Variants in CELSR1 observed in about 807,000 individuals in gnomAD.
The protein encoded by CELSR1 is cadherin EGF LAG seven-pass G-type receptor 1, also known as adhesion G protein-coupled receptor C1.
A neutral mutation model predicts 249.1 loss-of-function variants in CELSR1; 110 were observed. That is an observed-to-expected ratio of 0.44 (90% CI 0.38 to 0.52). The LOEUF is 0.52. Ranked by LOEUF, CELSR1 falls within the 20% of genes least tolerant of loss-of-function variation. The probability of loss-of-function intolerance (pLI) is 0.00; values close to 1 mark genes in which losing one functional copy is unlikely to be tolerated. For missense variants in CELSR1, 4,109 were observed against 4,296.4 expected (o/e 0.96, Z 1.22); for synonymous variants, 2,113 against 1,900.0 (o/e 1.11, Z -2.92).
chr22:46,523,147 A>C (rs988887532), intron 1 of CELSR1, among the ~76,000 whole-genome samples: 1 of 152,272 alleles, frequency 6.6e-6, no homozygotes, highest in African/African-American at 2.4e-5. Context: ...TACTTTAACC[A>C]AGTGTCATTT....
rs778702178 is a variant in CELSR1, at chr22:46,394,270, G to A, written c.5844-8C>T. Reference sequence around the variant, plus strand: ...GGGCACGGAAGGTCGAGTCTGTGGGGAAAATAAGAGGGCAGCTGGAAGGTT... The same window carrying A: ...GGGCACGGAAGGTCGAGTCTGTGGGAAAAATAAGAGGGCAGCTGGAAGGTT... On this transcript the variant is annotated splice_region_variant and splice_polypyrimidine_tract_variant and intron_variant, in intron 13 of 34. Transcript: ENST00000674500. The A allele has an allele frequency of 6.2e-6, 10 of 1,611,026 alleles. No individual in the cohort carries two copies. The Admixed American group carries it at 1.2e-4, about 19-fold the overall frequency.
chr22:46,403,421 G>C (rs191890864), intron 9 of CELSR1, among the ~76,000 whole-genome samples: 1,767 of 151,338 alleles, frequency 0.012, 38 homozygotes, highest in Middle Eastern at 0.041. Flanking sequence ...GCCAGGCGTG[G>C]TAGTGGGCGC....
chr22:46,429,506 G>A lies in CELSR1; in HGVS notation c.4611+3887C>T. Among the ~76,000 whole-genome samples, 1 of 152,264 alleles carries A rather than the reference G, an allele frequency of 6.6e-6. No individual in the cohort carries two copies. Among genetic ancestry groups the A allele is most frequent in the East Asian group, 1.9e-4 (1 of 5,194 alleles). ...ATGTACAAGTGCCTGCCTTTGAAAA[G>A]ACCGTCCTGGAAAAACGTCCGACTC... On this transcript the variant is annotated intron_variant, in intron 5 of 34. Coordinates refer to ENST00000674500, the MANE Select transcript of CELSR1 (RefSeq NM_001378328.1). The surrounding 1 kb of genome is among the most constrained non-coding windows in gnomAD (Gnocchi z 4.1).
Position 46,490,775 on chromosome 22 carries a change from C to T in CELSR1, c.3545-26430G>A, listed in dbSNP as rs932540607. On this transcript the variant is annotated intron_variant, in intron 1 of 34. Coordinates refer to ENST00000674500, the MANE Select transcript of CELSR1 (RefSeq NM_001378328.1). This position sits in a 1 kb window ranked among gnomAD's most constrained non-coding sequence, Gnocchi z 5.2. ...GTGCAGAGTGAGTTTCTGGTTTTGC[C>T]GCTCTTGTGAACAACCACCCACCAT... Among the ~76,000 whole-genome samples, 2 of 152,214 alleles carry T rather than the reference C, an allele frequency of 1.3e-5. No homozygotes were observed. Among genetic ancestry groups the T allele is most frequent in the East Asian group, 1.9e-4 (1 of 5,166 alleles).
chr22:46,498,302 A>C (rs2080434427), intron 1 of CELSR1, among the ~76,000 whole-genome samples: 1 of 132,358 alleles, frequency 7.6e-6, no homozygotes. Flanking sequence ...AAAAAAAAAA[A>C]AAAAAAAAAA....
chr22:46,505,609 C>A (rs1029274706), intron 1 of CELSR1, among the ~76,000 whole-genome samples: 2 of 151,974 alleles, frequency 1.3e-5, no homozygotes, highest in African/African-American at 4.8e-5. Flanking sequence ...CTACTGCACT[C>A]CAGCTTGGGT....
intron 2 of CELSR1, among the ~76,000 whole-genome samples, chr22:46,450,187 G>A (rs2079867525): frequency 6.6e-6 from 1 of 152,220 alleles, no homozygotes; most frequent in Admixed American, 6.5e-5. Flanking sequence ...CTCTTCCCGG[G>A]GACTTCAGAA....
intron 1 of CELSR1, among the ~76,000 whole-genome samples, chr22:46,511,540 C>A (rs117757126): frequency 0.025 from 3,871 of 152,362 alleles, 63 homozygotes; most frequent in Non-Finnish European, 0.037. Context: ...ATTCCTTCAA[C>A]AAACACTGAC....
intron 1 of CELSR1, among the ~76,000 whole-genome samples, chr22:46,479,227 CAAA>C (rs2080241870): frequency 6.6e-6 from 1 of 151,954 alleles, no homozygotes; most frequent in South Asian, 2.1e-4. Flanking sequence ...TCTCTCCCTC[CAAA>C]ATGACCTGCT....
intron 1 of CELSR1, among the ~76,000 whole-genome samples, chr22:46,492,094 C>T (rs969093881): frequency 2.6e-5 from 4 of 152,224 alleles, no homozygotes; most frequent in African/African-American, 9.7e-5. Context: ...ACGGTCAGGG[C>T]GCTGCGACCT....
At chr22:46,458,540 G>A (rs2079983226) in intron 2 of CELSR1, among the ~76,000 whole-genome samples, 1 of 152,218 alleles carries the variant, frequency 6.6e-6, no homozygotes, top group Admixed American at 6.5e-5. Flanking sequence ...GGCATCCACT[G>A]TGAGCCCGTG....
chr22:46,419,790 C>T lies in CELSR1; in HGVS notation c.4612-8031G>A, dbSNP rs371066811. ...CACACTCACCACTCACACTCAAATGCGCCCTCACCCATGCACATGCACTCA... is the reference window on the plus strand; with the variant it reads ...CACACTCACCACTCACACTCAAATGTGCCCTCACCCATGCACATGCACTCA... On this transcript the variant is annotated intron_variant, in intron 5 of 34. Coordinates refer to ENST00000674500, the MANE Select transcript of CELSR1 (RefSeq NM_001378328.1). Among the ~76,000 whole-genome samples the T allele has an allele frequency of 2.2e-4, 32 of 147,306 alleles. No homozygotes were observed. In the East Asian group the frequency reaches 4.3e-3, roughly 20 times the overall value.
rs929430205 is a variant in CELSR1 at position 46,536,638 on chromosome 22, G to A, written c.533C>T (p.Ser178Leu). 247 of 1,167,390 alleles carry A rather than the reference G, an allele frequency of 2.1e-4. No individual in the cohort carries two copies. Among genetic ancestry groups the A allele is most frequent in the Non-Finnish European group, 2.5e-4 (234 of 948,510 alleles). 72.3% of individuals were successfully genotyped at this position (1,167,390 alleles called of 1,614,324 possible). The change falls in exon 1 of 35, where the codon TCG (serine) becomes TTG (leucine). Residue 178 changes from serine to leucine, a missense_variant. Ser to Leu is a moderately radical substitution (Grantham distance 145). Around this residue, in one of 7 missense-constraint regions of CELSR1, gnomAD observed 673 missense variants for 636.8 expected, o/e 1.06. Transcript: ENST00000674500. ...GRPICLPPGG[S>L]VRLRLLCALR... ...GGCGCACAGCAGACGCAGGCGGACC[G>A]AGCCGCCCGGCGGCAGGCAGATGGG...
intron 33 of CELSR1, 72 bp from the exon 34 acceptor site, chr22:46,364,323 C>A (rs1040698189): frequency 1.0e-5 from 16 of 1,568,848 alleles, no homozygotes; most frequent in Non-Finnish European, 1.4e-5. Context: ...CCGTGTGCAG[C>A]TGAGCCAGCC....
At position 46,535,139 on chromosome 22, in the gene CELSR1, G is replaced by A. The variant is rs1286253960; in HGVS notation, c.2032C>T (p.Leu678=). 1.2e-6 allele frequency: 2 copies of A among 1,610,566 alleles called. No homozygotes were observed. The highest frequency in any genetic ancestry group is 1.7e-6 in the Non-Finnish European group (2 of 1,179,672). Residue 678 remains leucine (L), a synonymous_variant, in exon 1 of 35, where the codon CTG becomes TTG. Coordinates refer to ENST00000674500, the MANE Select transcript of CELSR1 (RefSeq NM_001378328.1). ...SSSTSVSITV[L]DVNDNDPVFT... The stretch of plus-strand genomic sequence containing the variant: ...ACCGGGTCGTTGTCATTCACGTCCA[G>A]CACCGTGATGGACACGCTGGTGGAG...
In CELSR1 at chr22:46,411,596, G is replaced by A. The variant is rs771447370; in HGVS notation, c.4769+6C>T. ...CCCCCAGGGCCTCCCCTCCTGGGATGCTCACTTCTTGGAGCCGGTCTGAGT... is the reference window on the plus strand; with the variant it reads ...CCCCCAGGGCCTCCCCTCCTGGGATACTCACTTCTTGGAGCCGGTCTGAGT... On this transcript the variant is annotated splice_donor_region_variant and intron_variant, in intron 6 of 34. Transcript: ENST00000674500. The surrounding 1 kb of genome is among the most constrained non-coding windows in gnomAD (Gnocchi z 4.2). The A allele has an allele frequency of 1.2e-6, 2 of 1,613,912 alleles. No homozygotes were observed. Among genetic ancestry groups the A allele is most frequent in the African/African-American group, 2.7e-5 (2 of 74,946 alleles).
intron 1 of CELSR1, among the ~76,000 whole-genome samples, chr22:46,516,049 C>T (rs1308373092): frequency 2.6e-5 from 4 of 152,232 alleles, no homozygotes; most frequent in South Asian, 2.1e-4. Context: ...GACAGTGTGG[C>T]GATTCCTCAA....
At chr22:46,520,202 T>C (rs1019417345) in intron 1 of CELSR1, among the ~76,000 whole-genome samples, 1 of 151,924 alleles carries the variant, frequency 6.6e-6, no homozygotes, top group South Asian at 2.1e-4. Flanking sequence ...TCTCAAGACA[T>C]GGTCTAAGAG....
chr22:46,409,921 A>C lies in CELSR1; in HGVS notation c.4934-41T>G, dbSNP rs2079312900. The C allele has an allele frequency of 1.2e-6, 2 of 1,600,920 alleles. No individual in the cohort carries two copies. Among genetic ancestry groups the C allele is most frequent in the Non-Finnish European group, 1.7e-6 (2 of 1,176,820 alleles). On this transcript the variant is annotated intron_variant, in intron 7 of 34. Coordinates refer to ENST00000674500, the MANE Select transcript of CELSR1 (RefSeq NM_001378328.1). This position sits in a 1 kb window ranked among gnomAD's most constrained non-coding sequence, Gnocchi z 9.8. ...GTGCGGCAGAGCCTGACTCGGAGGAACCGCCCGGGGTCCCCGGCGCCAGAC... is the reference window on the plus strand; with the variant it reads ...GTGCGGCAGAGCCTGACTCGGAGGACCCGCCCGGGGTCCCCGGCGCCAGAC...
Sources: gnomAD v4.1 joint callset for allele counts (sites outside exome capture counted in the v4.1 genomes callset) on GRCh38, gnomAD v4.1.1 for gene constraint, gnomAD v4.1.1 regional missense constraint, Gnocchi (gnomAD v3.1) non-coding constraint, MANE v1.5 for transcripts, NCBI Gene and HGNC (gene_info 2026-07-23, HGNC 2026-07-21) for gene names.